Variants in KCNQ1 observed in about 807,000 individuals in gnomAD.
KCNQ1 encodes the protein potassium voltage-gated channel subfamily KQT member 1.
In KCNQ1, 49 loss-of-function variants were observed where a neutral mutation model predicts 72.4. That is an observed-to-expected ratio of 0.68 (90% CI 0.54 to 0.86). The LOEUF (loss-of-function observed/expected upper bound fraction) is 0.86, where lower values mean the gene tolerates loss of function less well. KCNQ1 is among the 40% of genes least tolerant of loss of function. The pLI is 0.00. For missense variants in KCNQ1, 790 were observed against 945.1 expected (o/e 0.84, Z 2.15); for synonymous variants, 450 against 412.6 (o/e 1.09, Z -1.10).
At position 2,676,978 on chromosome 11, in the gene KCNQ1, T is replaced by C. The variant is rs76232439; in HGVS notation, c.1514+14897T>C. 906 of 398,646 alleles carry C rather than the reference T, an allele frequency of 2.3e-3. 20 individuals carry two copies. The East Asian group carries it at 0.032, about 14-fold the overall frequency. 24.7% of individuals were successfully genotyped at this position (398,646 alleles called of 1,614,324 possible). A position where few individuals can be genotyped will look rare whatever the true frequency, so the allele number is the denominator to read the frequency against. On this transcript the variant is annotated intron_variant, in intron 11 of 15. Transcript: ENST00000155840. The surrounding 1 kb of genome is among the most constrained non-coding windows in gnomAD (Gnocchi z 4.2). ...AGACATCTAGCAAATCTCCTTTTCATTAACAGCTGCAGAGTTTCATTGTGC... is the reference window on the plus strand; with the variant it reads ...AGACATCTAGCAAATCTCCTTTTCACTAACAGCTGCAGAGTTTCATTGTGC...
intron 8 of KCNQ1, among the ~76,000 whole-genome samples, chr11:2,586,462 C>A (rs1039818886): frequency 6.6e-6 from 1 of 152,214 alleles, no homozygotes; most frequent in East Asian, 1.9e-4. Context: ...CCACGCCTGG[C>A]AGGGGACCAC....
chr11:2,544,002 TA>T lies in KCNQ1; in HGVS notation c.477+15988del, dbSNP rs1847863286. 6.6e-6 allele frequency among the ~76,000 whole-genome samples: 1 copy of T among 152,194 alleles called. No homozygotes were observed. Among genetic ancestry groups the T allele is most frequent in the South Asian group, 2.1e-4 (1 of 4,832 alleles). On this transcript the variant is annotated intron_variant, in intron 2 of 15. Transcript: ENST00000155840. The surrounding 1 kb of genome is among the most constrained non-coding windows in gnomAD (Gnocchi z 4.4). ...GATTGTTACAGCCCTATAATACGGT[TA>T]AAATAAGTTAGGGTAATTTAGCCAA...
chr11:2,691,599 A>G lies in KCNQ1; in HGVS notation c.1514+29518A>G, dbSNP rs1408148282. The G allele has an allele frequency of 5.0e-6, 2 of 398,436 alleles. No individual in the cohort carries two copies. Among genetic ancestry groups the G allele is most frequent in the Non-Finnish European group, 8.8e-6 (2 of 226,050 alleles). 24.7% of individuals were successfully genotyped at this position (398,436 alleles called of 1,614,324 possible). ...GGACGAGGCCTCCCTGAGGGAGTCA[A>G]CCTAGCTTGTTCCCTGCACGTACTG... is the stretch of plus-strand genomic sequence containing the variant. On this transcript the variant is annotated intron_variant, in intron 11 of 15. Transcript: ENST00000155840. The surrounding 1 kb of genome is among the most constrained non-coding windows in gnomAD (Gnocchi z 6.4).
At position 2,663,774 on chromosome 11, in the gene KCNQ1, C is replaced by G; in HGVS notation, c.1514+1693C>G. 2.5e-6 allele frequency: 1 copy of G among 398,706 alleles called. No homozygotes were observed. Among genetic ancestry groups the G allele is most frequent in the Non-Finnish European group, 4.4e-6 (1 of 226,114 alleles). The allele number at this position is 398,706 out of a possible 1,614,324, so 24.7% of individuals were successfully genotyped here. ...GGCACTTATGTGGATCACAGCCAAA[C>G]TTGCAGCTGCCCAGTAAATCACCAC... On this transcript the variant is annotated intron_variant, in intron 11 of 15. Coordinates refer to ENST00000155840, the MANE Select transcript of KCNQ1 (RefSeq NM_000218.3). This position sits in a 1 kb window ranked among gnomAD's most constrained non-coding sequence, Gnocchi z 5.2.
Position 2,588,442 on chromosome 11 carries a change from C to A in KCNQ1, c.1252-271C>A, listed in dbSNP as rs541244542. Reference sequence around the variant, plus strand: ...GCCCCTGTTACCACCTCCACTGGCACCATCTTGTACGTTTATCTGCTTCCT... The same window carrying A: ...GCCCCTGTTACCACCTCCACTGGCAACATCTTGTACGTTTATCTGCTTCCT... On this transcript the variant is annotated intron_variant, in intron 9 of 15. Transcript: ENST00000155840. The surrounding 1 kb of genome is among the most constrained non-coding windows in gnomAD (Gnocchi z 5.6). 3.9e-5 allele frequency among the ~76,000 whole-genome samples: 6 copies of A among 152,336 alleles called. No homozygotes were observed. The East Asian group carries it at 1.2e-3, about 29-fold the overall frequency.
Position 2,515,657 on chromosome 11 carries a change from G to A in KCNQ1, c.387-12271G>A, listed in dbSNP as rs546693591. On this transcript the variant is annotated intron_variant, in intron 1 of 15. Transcript: ENST00000155840. This position sits in a 1 kb window ranked among gnomAD's most constrained non-coding sequence, Gnocchi z 4.7. ...GGCAGGCCTCTCACAGAGACAAGAC[G>A]AGTGTCCTAGGGCAGATAGGGCCAC... 3.9e-5 allele frequency among the ~76,000 whole-genome samples: 6 copies of A among 152,106 alleles called. No individual in the cohort carries two copies. The highest frequency in any genetic ancestry group is 2.6e-4 in the Admixed American group (4 of 15,288).
At chr11:2,729,767 C>T (rs1037409384) in intron 11 of KCNQ1, among the ~76,000 whole-genome samples, 11 of 152,062 alleles carry the variant, frequency 7.2e-5, no homozygotes, top group Non-Finnish European at 1.5e-4. Flanking sequence ...TGGGTACCTG[C>T]GGGAGGTCCC....
Position 2,583,473 on chromosome 11 carries a change from C to T in KCNQ1, c.960C>T (p.Pro320=), listed in dbSNP as rs758194213. The change falls in exon 7 of 16, where the codon CCC becomes CCT. Residue 320 remains proline, a synonymous_variant. Transcript: ENST00000155840. ...VTTIGYGDKV[P]QTWVGKTIAS... ...CCATCGGCTATGGGGACAAGGTGCCCCAGACGTGGGTCGGGAAGACCATCG... is the reference window on the plus strand; with the variant it reads ...CCATCGGCTATGGGGACAAGGTGCCTCAGACGTGGGTCGGGAAGACCATCG... 4 of 1,614,014 alleles carry T rather than the reference C, an allele frequency of 2.5e-6. No homozygotes were observed. Among genetic ancestry groups the T allele is most frequent in the Non-Finnish European group, 3.4e-6 (4 of 1,179,956 alleles).
At position 2,670,246 on chromosome 11, in the gene KCNQ1, G is replaced by A. The variant is rs552465437; in HGVS notation, c.1514+8165G>A. The A allele has an allele frequency of 5.0e-6, 2 of 398,538 alleles. No individual in the cohort carries two copies. Among genetic ancestry groups the A allele is most frequent in the Middle Eastern group, 6.3e-4 (1 of 1,588 alleles). 24.7% of individuals were successfully genotyped at this position (398,538 alleles called of 1,614,324 possible). A position where few individuals can be genotyped will look rare whatever the true frequency, so the allele number is the denominator to read the frequency against. On this transcript the variant is annotated intron_variant, in intron 11 of 15. Coordinates refer to ENST00000155840, the MANE Select transcript of KCNQ1 (RefSeq NM_000218.3). The surrounding 1 kb of genome is among the most constrained non-coding windows in gnomAD (Gnocchi z 4.9). ...ACCTGCCTTTGACCCTGCACATGAC[G>A]GGCGAGGGAAGAGGACCATGGTAGC...
rs1210956167 is a variant in KCNQ1 at position 2,583,395 on chromosome 11, C to T, written c.922-40C>T. 3 of 1,442,366 alleles carry T rather than the reference C, an allele frequency of 2.1e-6. No homozygotes were observed. In the Admixed American group the frequency reaches 5.0e-5, roughly 24 times the overall value. The allele number at this position is 1,442,366 out of a possible 1,614,324, so 89.3% of individuals were successfully genotyped here. ...TAGGCAGTTGGCCCTCCCGAGGCTCCAGTCCCATCCGTGGCTGACCACTGT... is the reference window on the plus strand; with the variant it reads ...TAGGCAGTTGGCCCTCCCGAGGCTCTAGTCCCATCCGTGGCTGACCACTGT... On this transcript the variant is annotated intron_variant, in intron 6 of 15. Coordinates refer to ENST00000155840, the MANE Select transcript of KCNQ1 (RefSeq NM_000218.3).
rs997649944 is a variant in KCNQ1, at chr11:2,657,838, C to T, written c.1394-4123C>T. 7.5e-6 allele frequency: 3 copies of T among 398,564 alleles called. No individual in the cohort carries two copies. The East Asian group carries it at 1.1e-4, about 14-fold the overall frequency. 24.7% of individuals were successfully genotyped at this position (398,564 alleles called of 1,614,324 possible). A position where few individuals can be genotyped will look rare whatever the true frequency, so the allele number is the denominator to read the frequency against. On this transcript the variant is annotated intron_variant, in intron 10 of 15. Transcript: ENST00000155840. The surrounding 1 kb of genome is among the most constrained non-coding windows in gnomAD (Gnocchi z 4.8). Reference sequence around the variant, plus strand: ...AGTTTGGATTTGTCTGGTGTTTTCTCAGGACTAGACCAGGGTTATAGGTTT... The same window carrying T: ...AGTTTGGATTTGTCTGGTGTTTTCTTAGGACTAGACCAGGGTTATAGGTTT...
rs1848985831 is a variant in KCNQ1 at position 2,612,017 on chromosome 11, T to C, written c.1393+23163T>C. Reference sequence around the variant, plus strand: ...TAACACATATGTTGTTACTCCTTAATTCCACATATGTTTTCTACTCTTAAT... The same window carrying C: ...TAACACATATGTTGTTACTCCTTAACTCCACATATGTTTTCTACTCTTAAT... On this transcript the variant is annotated intron_variant, in intron 10 of 15. Coordinates refer to ENST00000155840, the MANE Select transcript of KCNQ1 (RefSeq NM_000218.3). The surrounding 1 kb of genome is among the most constrained non-coding windows in gnomAD (Gnocchi z 5.5). 3.5e-5 allele frequency: 14 copies of C among 398,650 alleles called. No individual in the cohort carries two copies. In the East Asian group the frequency reaches 5.0e-4, roughly 14 times the overall value. The allele number at this position is 398,650 out of a possible 1,614,324, so 24.7% of individuals were successfully genotyped here.
Position 2,817,930 on chromosome 11 carries a change from G to C in KCNQ1, c.1795-29837G>C, listed in dbSNP as rs992377424. Among the ~76,000 whole-genome samples, 1 of 152,080 alleles carries C rather than the reference G, an allele frequency of 6.6e-6. No homozygotes were observed. Among genetic ancestry groups the C allele is most frequent in the African/African-American group, 2.4e-5 (1 of 41,384 alleles). ...TCCACATTTGCATTTTAAAAGCCCT[G>C]AGAAGGCCTGCAGTGAAAAAAACTA... On this transcript the variant is annotated intron_variant, in intron 15 of 15. Transcript: ENST00000155840. The surrounding 1 kb of genome is among the most constrained non-coding windows in gnomAD (Gnocchi z 6.1).
intron 11 of KCNQ1, chr11:2,666,614 C>G: frequency 2.5e-6 from 1 of 398,666 alleles, no homozygotes; most frequent in South Asian, 1.3e-4. Flanking sequence ...GGGCAAACGT[C>G]ACAAGGGTGG....
chr11:2,513,180 T>A (rs962098974), intron 1 of KCNQ1, among the ~76,000 whole-genome samples: 5 of 152,102 alleles, frequency 3.3e-5, no homozygotes, highest in African/African-American at 9.7e-5. Flanking sequence ...TCCCCCACCC[T>A]CCGACCAGGA....
At chr11:2,662,136 A>C (rs1204575656) in intron 11 of KCNQ1, 55 bp downstream of exon 11, 1 of 1,610,992 alleles carries the variant, frequency 6.2e-7, no homozygotes, top group Non-Finnish European at 8.5e-7. Context: ...GAGCTCAAGG[A>C]GTCAGACTTG....
chr11:2,566,324 C>T lies in KCNQ1; in HGVS notation c.478-4304C>T, dbSNP rs1038314898. On this transcript the variant is annotated intron_variant, in intron 2 of 15. Coordinates refer to ENST00000155840, the MANE Select transcript of KCNQ1 (RefSeq NM_000218.3). The surrounding 1 kb of genome is among the most constrained non-coding windows in gnomAD (Gnocchi z 6.7). ...CATGAGAGTGGTCAGCCCTCCATGGCAGGCCTGGCCTCACCTGCCAGTGTC... is the reference window on the plus strand; with the variant it reads ...CATGAGAGTGGTCAGCCCTCCATGGTAGGCCTGGCCTCACCTGCCAGTGTC... 6.6e-6 allele frequency among the ~76,000 whole-genome samples: 1 copy of T among 152,214 alleles called. No homozygotes were observed. The highest frequency in any genetic ancestry group is 1.5e-5 in the Non-Finnish European group (1 of 68,034).
intron 11 of KCNQ1, among the ~76,000 whole-genome samples, chr11:2,707,852 C>T (rs1850937018): frequency 6.6e-6 from 1 of 152,228 alleles, no homozygotes; most frequent in African/African-American, 2.4e-5. Flanking sequence ...GGGACACAGC[C>T]CCTGTTTGCA....
chr11:2,658,098 G>T lies in KCNQ1; in HGVS notation c.1394-3863G>T. On this transcript the variant is annotated intron_variant, in intron 10 of 15. Coordinates refer to ENST00000155840, the MANE Select transcript of KCNQ1 (RefSeq NM_000218.3). This position sits in a 1 kb window ranked among gnomAD's most constrained non-coding sequence, Gnocchi z 4.9. The stretch of plus-strand genomic sequence containing the variant: ...AGGGAGGGGTTCAACTCTACCTCCT[G>T]CAGGAGAGTATCAAAAAAAATCTGC... The T allele has an allele frequency of 2.5e-6, 1 of 398,522 alleles. No individual in the cohort carries two copies. 24.7% of individuals were successfully genotyped at this position (398,522 alleles called of 1,614,324 possible). A position where few individuals can be genotyped will look rare whatever the true frequency, so the allele number is the denominator to read the frequency against.
Sources: allele counts gnomAD v4.1 joint callset (sites outside exome capture counted in the v4.1 genomes callset), GRCh38; gene constraint gnomAD v4.1.1; non-coding constraint Gnocchi (gnomAD v3.1); transcripts MANE v1.5; gene names NCBI Gene and HGNC (gene_info 2026-07-23, HGNC 2026-07-21).